Variants in KIF13A observed in about 807,000 individuals in gnomAD.
KIF13A encodes the protein kinesin-like protein KIF13A.
In KIF13A, 79 loss-of-function variants were observed where a neutral mutation model predicts 212.2. The ratio of observed to expected loss-of-function variants is 0.37; its 90% CI spans 0.31 to 0.45. KIF13A has a LOEUF of 0.45. KIF13A is among the 20% of genes least tolerant of loss of function. The pLI is 1.00. For missense variants in KIF13A, 1,901 were observed against 2,209.0 expected, an observed-to-expected ratio of 0.86 and a Z score of 2.79; for synonymous variants, 789 against 808.6, an observed-to-expected ratio of 0.98 and a Z score of 0.41.
chr6:17,876,603 T>A (rs1004210440), intron 3 of KIF13A, among the ~76,000 whole-genome samples: 9 of 148,456 alleles, frequency 6.1e-5, no homozygotes, highest in African/African-American at 2.0e-4. Context: ...ATCATGTATA[T>A]GATCTGTGTG....
At chr6:17,887,945 A>T (rs1479549772) in intron 3 of KIF13A, among the ~76,000 whole-genome samples, 2 of 149,536 alleles carry the variant, frequency 1.3e-5, no homozygotes, top group Non-Finnish European at 3.0e-5. Context: ...ACCTCAGGTG[A>T]TCCGTCTGCC....
At position 17,829,153 on chromosome 6, in the gene KIF13A, G is replaced by A. The variant is rs984938568; in HGVS notation, c.1402-783C>T. ...TACAGATGGGGGTTTCACCATGTTC[G>A]CCAGCCTGGTCTTGAACTCCTGGCC... On this transcript the variant is annotated intron_variant, in intron 13 of 38. Transcript: ENST00000259711. The surrounding 1 kb of genome is among the most constrained non-coding windows in gnomAD (Gnocchi z 5.4). Among the ~76,000 whole-genome samples, 2 of 152,088 alleles carry A rather than the reference G, an allele frequency of 1.3e-5. No individual in the cohort carries two copies. The highest frequency in any genetic ancestry group is 4.8e-5 in the African/African-American group (2 of 41,416).
At chr6:17,766,512 A>G (rs928948684) in intron 38 of KIF13A, among the ~76,000 whole-genome samples, 1 of 152,046 alleles carries the variant, frequency 6.6e-6, no homozygotes, top group Non-Finnish European at 1.5e-5. Context: ...TGCTGCGATT[A>G]CAGGCATGAG....
In KIF13A at chr6:17,987,130, T is replaced by G. The variant is rs1781638354; in HGVS notation, c.70A>C (p.Thr24Pro). Residue 24 changes from threonine to proline, a missense_variant, in exon 2 of 39, where the codon ACC (threonine) becomes CCC (proline). Transcript: ENST00000259711. The surrounding 1 kb of genome is among the most constrained non-coding windows in gnomAD (Gnocchi z 7.7). ...CCTTCCATCTCCACCACGCACTTGGTGTTCAGTTCCAGTTCTGAAAGCAGA... is the reference window on the plus strand; with the variant it reads ...CCTTCCATCTCCACCACGCACTTGGGGTTCAGTTCCAGTTCTGAAAGCAGA... ...PMNRRELELN[T>P]KCVVEMEGNQ... 2.5e-6 allele frequency: 4 copies of G among 1,612,886 alleles called. No homozygotes were observed. Among genetic ancestry groups the G allele is most frequent in the Non-Finnish European group, 1.7e-6 (2 of 1,179,212 alleles).
At chr6:17,917,230 C>T (rs1254322041) in intron 2 of KIF13A, among the ~76,000 whole-genome samples, 5 of 141,552 alleles carry the variant, frequency 3.5e-5, no homozygotes, top group South Asian at 2.3e-4. Flanking sequence ...ACATTTTACA[C>T]GATTCTTTTT....
Position 17,947,932 on chromosome 6 carries a change from AT to A in KIF13A, c.146+39121del. Among the ~76,000 whole-genome samples the A allele has an allele frequency of 6.6e-6, 1 of 152,262 alleles. No homozygotes were observed. On this transcript the variant is annotated intron_variant, in intron 2 of 38. Transcript: ENST00000259711. This position sits in a 1 kb window ranked among gnomAD's most constrained non-coding sequence, Gnocchi z 4.6. ...TCAAAGAGTTCAAAAAATAAATTAT[AT>A]TTTTTCCACAAATATTTGATAAGGC...
At chr6:17,970,721 T>C (rs1415377157) in intron 2 of KIF13A, among the ~76,000 whole-genome samples, 2 of 152,176 alleles carry the variant, frequency 1.3e-5, no homozygotes, top group African/African-American at 4.8e-5. Flanking sequence ...ACTGAATTCT[T>C]TCTAGGGATG....
intron 4 of KIF13A, among the ~76,000 whole-genome samples, chr6:17,859,062 T>C (rs997976127): frequency 1.3e-5 from 2 of 152,214 alleles, no homozygotes; most frequent in Non-Finnish European, 2.9e-5. Context: ...CTGCTCCTGA[T>C]GCTGAATACG....
rs770646228 is a variant in KIF13A, at chr6:17,771,982, T to G, written c.4402A>C (p.Lys1468Gln). The G allele has an allele frequency of 1.2e-6, 2 of 1,613,958 alleles. No homozygotes were observed. The highest frequency in any genetic ancestry group is 1.7e-6 in the Non-Finnish European group (2 of 1,179,846). ...TCCTCTTTTACAGGCATTAGGGGCT[T>G]GAAAAACTTTGGTGGCTGAGGAGAG... ...AFSPQPPKFF[K>Q]PLMPVKEEHK... Residue 1468 changes from lysine (K) to glutamine (Q), a missense_variant, in exon 37 of 39, where the codon AAG (lysine) becomes CAG (glutamine). Physicochemically the swap from Lys to Gln is moderately conservative, Grantham distance 53 (BLOSUM62 1). Around this residue, in one of 5 missense-constraint regions of KIF13A, gnomAD observed 687 missense variants for 759.1 expected, o/e 0.90. Transcript: ENST00000259711. This position sits in a 1 kb window ranked among gnomAD's most constrained non-coding sequence, Gnocchi z 5.4.
chr6:17,833,978 T>C lies in KIF13A; in HGVS notation c.1249A>G (p.Thr417Ala). ...CAAGCTACCTGTGCTATCTCTTCTG[T>C]TTTTCTCAGCTTCTCTTCCCAAGTC... ...TVTWEEKLRK[T>A]EEIAQERQRQ... is the part of the protein sequence containing the mutation. The change falls in exon 12 of 39, where the codon ACA becomes GCA. Residue 417 changes from threonine (T) to alanine (A), a missense_variant. This residue lies in a region of KIF13A where 506 missense variants were observed against 637.4 expected (regional missense o/e 0.79). Coordinates refer to ENST00000259711, the MANE Select transcript of KIF13A (RefSeq NM_022113.6). 1 of 1,583,386 alleles carries C rather than the reference T, an allele frequency of 6.3e-7. No homozygotes were observed. Among genetic ancestry groups the C allele is most frequent in the Non-Finnish European group, 8.6e-7 (1 of 1,167,754 alleles).
At chr6:17,775,683 TACAGG>T (rs1387478441) in intron 34 of KIF13A, among the ~76,000 whole-genome samples, 1 of 152,184 alleles carries the variant, frequency 6.6e-6, no homozygotes, top group Non-Finnish European at 1.5e-5. Context: ...ATTCAGTTTT[TACAGG>T]ACATTTCCAT....
intron 2 of KIF13A, among the ~76,000 whole-genome samples, chr6:17,941,656 C>G (rs1776965289): frequency 6.6e-6 from 1 of 151,912 alleles, no homozygotes; most frequent in Admixed American, 6.6e-5. Context: ...CCAAACCTGC[C>G]CACACCTTGA....
intron 2 of KIF13A, among the ~76,000 whole-genome samples, chr6:17,962,268 G>C (rs141336035): frequency 5.9e-5 from 9 of 151,934 alleles, no homozygotes; most frequent in African/African-American, 2.2e-4. Context: ...CTGAGATTGC[G>C]CCAGTGCACT....
In KIF13A at chr6:17,779,620, G is replaced by A; in HGVS notation, c.3911C>T (p.Thr1304Ile). ...LKNIFYSCGV[T>I]YEIVSNIPKA... ...TGGTATATTGGATACTATTTCATAGGTTACACCACAGGAATAAAATATATT... is the reference window on the plus strand; with the variant it reads ...TGGTATATTGGATACTATTTCATAGATTACACCACAGGAATAAAATATATT... The change falls in exon 32 of 39, where the codon ACC (threonine) becomes ATC (isoleucine). Residue 1304 changes from threonine (T) to isoleucine (I), a missense_variant. By Grantham distance (89) the Thr-to-Ile change is moderately conservative. Around this residue, in one of 5 missense-constraint regions of KIF13A, gnomAD observed 687 missense variants for 759.1 expected, o/e 0.90. Transcript: ENST00000259711. The A allele has an allele frequency of 6.7e-7, 1 of 1,499,650 alleles. No individual in the cohort carries two copies. The highest frequency in any genetic ancestry group is 9.2e-7 in the Non-Finnish European group (1 of 1,088,042). The allele number at this position is 1,499,650 out of a possible 1,614,324, so 92.9% of individuals were successfully genotyped here.
At chr6:17,804,811 TAAA>T (rs56785510) in intron 19 of KIF13A, among the ~76,000 whole-genome samples, 26 of 23,298 alleles carry the variant, frequency 1.1e-3, no homozygotes, top group African/African-American at 2.4e-3. Context: ...CTGTCTCCAT[TAAA>T]AAAAAAAAAA....
At position 17,809,440 on chromosome 6, in the gene KIF13A, G is replaced by C. The variant is rs1163889399; in HGVS notation, c.2001-510C>G. Among the ~76,000 whole-genome samples, 2 of 152,180 alleles carry C rather than the reference G, an allele frequency of 1.3e-5. No homozygotes were observed. Among genetic ancestry groups the C allele is most frequent in the Non-Finnish European group, 2.9e-5 (2 of 68,034 alleles). On this transcript the variant is annotated intron_variant, in intron 17 of 38. Coordinates refer to ENST00000259711, the MANE Select transcript of KIF13A (RefSeq NM_022113.6). The surrounding 1 kb of genome is among the most constrained non-coding windows in gnomAD (Gnocchi z 4.7). ...GTACAACATTACTTGCTGATAAAAA[G>C]CTTCTCTAATATCCCAGATTGGTCA...
intron 3 of KIF13A, among the ~76,000 whole-genome samples, chr6:17,889,263 A>T (rs566398762): frequency 8.5e-5 from 13 of 152,346 alleles, no homozygotes; most frequent in African/African-American, 3.1e-4. Flanking sequence ...CTCAGTTTCA[A>T]AAAGTAACAG....
rs1463283698 is a variant in KIF13A, at chr6:17,856,195, T to C, written c.221-73A>G. 4 of 1,040,002 alleles carry C rather than the reference T, an allele frequency of 3.8e-6. No homozygotes were observed. Among genetic ancestry groups the C allele is most frequent in the Non-Finnish European group, 5.8e-6 (4 of 688,546 alleles). 64.4% of individuals were successfully genotyped at this position (1,040,002 alleles called of 1,614,324 possible). A position where few individuals can be genotyped will look rare whatever the true frequency, so the allele number is the denominator to read the frequency against. ...CTTGACATATTTGTGTTAGTAACAA[T>C]ATTATGTCAATTCAAAAAAATGTTA... On this transcript the variant is annotated intron_variant, in intron 4 of 38. Coordinates refer to ENST00000259711, the MANE Select transcript of KIF13A (RefSeq NM_022113.6). This position sits in a 1 kb window ranked among gnomAD's most constrained non-coding sequence, Gnocchi z 4.5.
chr6:17,828,341 A>C lies in KIF13A; in HGVS notation c.1431T>G (p.Ser477=). Residue 477 remains serine (S), a synonymous_variant, in exon 14 of 39, where the codon TCT becomes TCG. Coordinates refer to ENST00000259711, the MANE Select transcript of KIF13A (RefSeq NM_022113.6). This position sits in a 1 kb window ranked among gnomAD's most constrained non-coding sequence, Gnocchi z 4.3. ...CTATGCCAAAAAGCTGGATATCTTG[A>C]GAGGTATCTGCACCCACCCTGGTGT... The part of the protein sequence containing the change: ...KDHTRVGADT[S]QDIQLFGIGI... 1 of 1,611,878 alleles carries C rather than the reference A, an allele frequency of 6.2e-7. No homozygotes were observed. Among genetic ancestry groups the C allele is most frequent in the Non-Finnish European group, 8.5e-7 (1 of 1,178,956 alleles).
Sources: allele counts gnomAD v4.1 joint callset (sites outside exome capture counted in the v4.1 genomes callset), GRCh38; gene constraint gnomAD v4.1.1; regional missense constraint gnomAD v4.1.1; non-coding constraint Gnocchi (gnomAD v3.1); transcripts MANE v1.5; gene names NCBI Gene and HGNC (gene_info 2026-07-23, HGNC 2026-07-21).